The following DPP10 variants were observed in gnomAD, a reference collection of about 807,000 sequenced individuals.
DPP10 encodes the protein dipeptidyl peptidase like 10.
Under a neutral mutation model 120.9 loss-of-function variants are expected in DPP10, and 33 were observed. The observed-to-expected ratio is 0.27, with a 90% CI of 0.21 to 0.37. DPP10 has a LOEUF of 0.37. DPP10 is among the 10% of genes least tolerant of loss of function. The pLI is 1.00. For missense variants in DPP10, 816 were observed against 942.8 expected, an observed-to-expected ratio of 0.87 and a Z score of 1.76; for synonymous variants, 337 against 326.1, an observed-to-expected ratio of 1.03 and a Z score of -0.36.
At chr2:115,667,378 T>A (rs1242190322) in intron 5 of DPP10, among the ~76,000 whole-genome samples, 1 of 152,156 alleles carries the variant, frequency 6.6e-6, no homozygotes, top group African/African-American at 2.4e-5. Flanking sequence ...ATTTTCATTT[T>A]TGTTGCAATT....
At chr2:115,417,391 A>C (rs2069527503) in intron 3 of DPP10, among the ~76,000 whole-genome samples, 1 of 152,162 alleles carries the variant, frequency 6.6e-6, no homozygotes, top group South Asian at 2.1e-4. Context: ...ATTTGGAGGA[A>C]ATTAGAAAAT....
At chr2:114,477,212 A>G (rs922879933) in intron 1 of DPP10, among the ~76,000 whole-genome samples, 4 of 151,054 alleles carry the variant, frequency 2.6e-5, no homozygotes, top group African/African-American at 9.7e-5. Context: ...AAGGCCAAGG[A>G]CTCCCAAAGT....
chr2:114,849,085 G>C (rs1688757930), intron 1 of DPP10, among the ~76,000 whole-genome samples: 1 of 152,098 alleles, frequency 6.6e-6, no homozygotes, highest in Admixed American at 6.6e-5. Context: ...GCATGATATT[G>C]GAATAAGTGG....
At chr2:114,720,781 C>G (rs1474004217) in intron 1 of DPP10, among the ~76,000 whole-genome samples, 1 of 152,208 alleles carries the variant, frequency 6.6e-6, no homozygotes, top group African/African-American at 2.4e-5. Flanking sequence ...CCCTATTACA[C>G]TTCTGGCTGG....
chr2:115,604,125 A>G (rs1333596620), intron 5 of DPP10, among the ~76,000 whole-genome samples: 2 of 150,404 alleles, frequency 1.3e-5, no homozygotes, highest in South Asian at 2.1e-4. Context: ...AGCTTTTGAG[A>G]CAGTGCTATC....
intron 5 of DPP10, among the ~76,000 whole-genome samples, chr2:115,573,008 G>C (rs1283560660): frequency 6.6e-6 from 1 of 152,102 alleles, no homozygotes; most frequent in African/African-American, 2.4e-5. Flanking sequence ...CTGAGATAGA[G>C]TCTTGAAAAG....
At chr2:115,772,262 T>A (rs146472912) in intron 13 of DPP10, among the ~76,000 whole-genome samples, 6 of 152,248 alleles carry the variant, frequency 3.9e-5, no homozygotes, top group African/African-American at 1.2e-4. Flanking sequence ...TAACCATTAT[T>A]TGTTGTTCTG....
At chr2:114,907,740 T>C (rs1467652254) in intron 1 of DPP10, among the ~76,000 whole-genome samples, 2 of 152,120 alleles carry the variant, frequency 1.3e-5, no homozygotes, top group Admixed American at 1.3e-4. Flanking sequence ...ATGTTCCATG[T>C]GCACTTGAGA....
intron 1 of DPP10, among the ~76,000 whole-genome samples, chr2:114,706,201 C>A (rs991080286): frequency 6.6e-6 from 1 of 152,172 alleles, no homozygotes; most frequent in Non-Finnish European, 1.5e-5. Flanking sequence ...GCACATTTTA[C>A]AAATTGGTTT....
chr2:114,619,975 T>C (rs2105325798), intron 1 of DPP10, among the ~76,000 whole-genome samples: 1 of 152,114 alleles, frequency 6.6e-6, no homozygotes, highest in African/African-American at 2.4e-5. Context: ...AAAAGCCTCA[T>C]AACAAACTGA....
intron 1 of DPP10, among the ~76,000 whole-genome samples, chr2:114,687,492 A>G (rs1699450549): frequency 6.6e-6 from 1 of 151,998 alleles, no homozygotes; most frequent in African/African-American, 2.4e-5. Context: ...AACCAGAATT[A>G]TTATTCAGTT....
intron 1 of DPP10, among the ~76,000 whole-genome samples, chr2:115,293,328 ATG>A (rs2105936078): frequency 6.6e-6 from 1 of 152,228 alleles, no homozygotes; most frequent in East Asian, 1.9e-4. Flanking sequence ...TATGAACCGA[ATG>A]TTTCCTTATC....
intron 1 of DPP10, among the ~76,000 whole-genome samples, chr2:114,521,383 T>G (rs941127502): frequency 6.6e-6 from 1 of 151,364 alleles, no homozygotes; most frequent in Non-Finnish European, 1.5e-5. Context: ...ACCTAAAGGA[T>G]TAAGAAAGAC....
At chr2:115,821,663 T>C (rs916481615) in intron 21 of DPP10, among the ~76,000 whole-genome samples, 8 of 151,882 alleles carry the variant, frequency 5.3e-5, no homozygotes, top group Non-Finnish European at 2.9e-5. Flanking sequence ...TCCATTTATT[T>C]GAATTGATTA....
At chr2:115,301,601 G>A (rs2061136973) in intron 1 of DPP10, among the ~76,000 whole-genome samples, 1 of 151,796 alleles carries the variant, frequency 6.6e-6, no homozygotes, top group Non-Finnish European at 1.5e-5. Context: ...TTGGAAAGCA[G>A]TGAATTTGGC....
At chr2:115,646,808 A>G (rs1453766777) in intron 5 of DPP10, among the ~76,000 whole-genome samples, 2 of 152,108 alleles carry the variant, frequency 1.3e-5, no homozygotes, top group African/African-American at 4.8e-5. Flanking sequence ...TTGTACCACT[A>G]TTAAGTTCCT....
intron 1 of DPP10, among the ~76,000 whole-genome samples, chr2:114,567,832 C>T (rs762908866): frequency 6.6e-6 from 1 of 151,914 alleles, no homozygotes; most frequent in Non-Finnish European, 1.5e-5. Context: ...GACACAGGAA[C>T]GGGAACAACA....
chr2:115,672,666 T>TTCTCTC (rs1178410248), intron 5 of DPP10, among the ~76,000 whole-genome samples: 1 of 130,044 alleles, frequency 7.7e-6, no homozygotes, highest in African/African-American at 3.2e-5. Context: ...CTTTCTTTCT[T>TTCTCTC]TCTCTCTTTC....
intron 1 of DPP10, among the ~76,000 whole-genome samples, chr2:114,478,734 A>G (rs547214397): frequency 1.3e-5 from 2 of 152,286 alleles, no homozygotes; most frequent in East Asian, 3.9e-4. Context: ...AAAAAATCAT[A>G]GGATGCAAGA....
Sources: allele counts gnomAD v4.1 joint callset (sites outside exome capture counted in the v4.1 genomes callset), GRCh38; gene constraint gnomAD v4.1.1; transcripts MANE v1.5; gene names NCBI Gene and HGNC (gene_info 2026-07-23, HGNC 2026-07-21).